ZNF366: variants seen among roughly 807,000 people sequenced by gnomAD.
ZNF366 encodes dendritic cell-specific transcript protein.
In ZNF366, 20 loss-of-function variants were observed where a neutral mutation model predicts 47.2. The ratio of observed to expected loss-of-function variants is 0.42; its 90% CI spans 0.30 to 0.62. ZNF366 has a LOEUF of 0.62. ZNF366 is among the 20% of genes least tolerant of loss of function. The pLI is 0.16. For missense variants in ZNF366, 987 were observed against 976.3 expected (o/e 1.01, Z -0.15); for synonymous variants, 421 against 395.1 (o/e 1.07, Z -0.78).
intron 1 of ZNF366, among the ~76,000 whole-genome samples, chr5:72,498,985 G>A (rs189233814): frequency 6.6e-6 from 1 of 152,338 alleles, no homozygotes; most frequent in East Asian, 1.9e-4. Context: ...GGAGACTCAA[G>A]GGGGAAAAGA....
chr5:72,500,417 G>T (rs1178940618), intron 1 of ZNF366, among the ~76,000 whole-genome samples: 1 of 152,116 alleles, frequency 6.6e-6, no homozygotes, highest in South Asian at 2.1e-4. Context: ...CTTCAGCTTT[G>T]TTAGATCTGG....
intron 1 of ZNF366, among the ~76,000 whole-genome samples, chr5:72,462,742 G>T (rs1465617100): frequency 6.6e-6 from 1 of 151,792 alleles, no homozygotes; most frequent in Non-Finnish European, 1.5e-5. Context: ...GTAGAGACGG[G>T]GTTTCACCAT....
intron 1 of ZNF366, among the ~76,000 whole-genome samples, chr5:72,493,282 C>T (rs536219236): frequency 5.3e-5 from 8 of 152,318 alleles, no homozygotes; most frequent in Admixed American, 2.0e-4. Context: ...ACATCATAGG[C>T]ATTAACTCAT....
intron 1 of ZNF366, among the ~76,000 whole-genome samples, chr5:72,474,350 A>G (rs1743628681): frequency 6.6e-6 from 1 of 152,118 alleles, no homozygotes. Context: ...TCTCCACTGC[A>G]CACAAAGGAG....
chr5:72,497,210 G>T (rs115845352), intron 1 of ZNF366, among the ~76,000 whole-genome samples: 2,086 of 152,124 alleles, frequency 0.014, 40 homozygotes, highest in African/African-American at 0.048. Context: ...AGAAATCTTT[G>T]CCTAAGCCAA....
At chr5:72,493,157 C>G (rs1258963923) in intron 1 of ZNF366, among the ~76,000 whole-genome samples, 3 of 152,192 alleles carry the variant, frequency 2.0e-5, no homozygotes, top group Non-Finnish European at 2.9e-5. Context: ...CATTTACTCA[C>G]TAATGCATTC....
chr5:72,484,152 A>G (rs1743841048), intron 1 of ZNF366, among the ~76,000 whole-genome samples: 1 of 152,174 alleles, frequency 6.6e-6, no homozygotes, highest in Admixed American at 6.5e-5. Flanking sequence ...ATTTTTCTTA[A>G]AACTTAGCCA....
rs747383404 is a variant in ZNF366, at chr5:72,460,401, T to C, written c.1096A>G (p.Ile366Val). Reference sequence around the variant, plus strand: ...AAGTCGAGGCCGCACTCCACACAGATGTTCTCGCGCCCACTGGCGTGCTTG... The same window carrying C: ...AAGTCGAGGCCGCACTCCACACAGACGTTCTCGCGCCCACTGGCGTGCTTG... ...EAKHASGRENICVECGLDFPT... is the reference protein window; with the variant it reads ...EAKHASGRENVCVECGLDFPT... Residue 366 changes from isoleucine (I) to valine (V), a missense_variant, in exon 2 of 5, where the codon ATC (isoleucine) becomes GTC (valine). This residue lies in a region of ZNF366 where 591 missense variants were observed against 560.9 expected (regional missense o/e 1.05). Transcript: ENST00000318442. 6.2e-7 allele frequency: 1 copy of C among 1,614,236 alleles called. No homozygotes were observed. The highest frequency in any genetic ancestry group is 1.1e-5 in the South Asian group (1 of 91,086).
intron 1 of ZNF366, among the ~76,000 whole-genome samples, chr5:72,473,985 A>G (rs986258500): frequency 6.6e-6 from 1 of 152,180 alleles, no homozygotes; most frequent in African/African-American, 2.4e-5. Context: ...ATGTGAATTT[A>G]GGTTGTATCT....
At chr5:72,450,684 G>A (rs1043067383) in intron 3 of ZNF366, among the ~76,000 whole-genome samples, 1 of 152,108 alleles carries the variant, frequency 6.6e-6, no homozygotes, top group Non-Finnish European at 1.5e-5. Flanking sequence ...ACACCTGGGC[G>A]GTAGGTACTT....
chr5:72,495,676 G>A (rs897848777), intron 1 of ZNF366, among the ~76,000 whole-genome samples: 2 of 152,166 alleles, frequency 1.3e-5, no homozygotes, highest in Non-Finnish European at 2.9e-5. Flanking sequence ...GTCGGCAGGC[G>A]AGAGATGCTC....
At chr5:72,452,095 A>C (rs1580232675) in intron 3 of ZNF366, among the ~76,000 whole-genome samples, 1 of 152,350 alleles carries the variant, frequency 6.6e-6, no homozygotes, top group East Asian at 1.9e-4. Flanking sequence ...AGCTTTAAAA[A>C]TGAGATGCAC....
chr5:72,504,981 C>G (rs1744292689), intron 1 of ZNF366, among the ~76,000 whole-genome samples: 1 of 152,214 alleles, frequency 6.6e-6, no homozygotes, highest in African/African-American at 2.4e-5. Context: ...ACAACAGAGA[C>G]TGTGCTCTAC....
intron 1 of ZNF366, among the ~76,000 whole-genome samples, chr5:72,477,714 A>C (rs1452109453): frequency 6.6e-6 from 1 of 152,232 alleles, no homozygotes; most frequent in African/African-American, 2.4e-5. Context: ...ATCTACGGTC[A>C]CATAACCTGG....
At chr5:72,447,149 G>T in intron 4 of ZNF366, 94 bp downstream of exon 4, 1 of 1,428,978 alleles carries the variant, frequency 7.0e-7, no homozygotes. Flanking sequence ...GTCTTGACAA[G>T]AATAACCCTC....
intron 1 of ZNF366, among the ~76,000 whole-genome samples, chr5:72,462,547 C>CTT (rs71614477): frequency 1.6e-4 from 13 of 78,928 alleles, no homozygotes; most frequent in African/African-American, 6.0e-4. Flanking sequence ...TTCTTTCTTT[C>CTT]TTTTTTTTTT....
intron 1 of ZNF366, among the ~76,000 whole-genome samples, chr5:72,468,787 T>C (rs1161022057): frequency 1.3e-5 from 2 of 152,182 alleles, no homozygotes; most frequent in Non-Finnish European, 2.9e-5. Context: ...TGCTAGTGTG[T>C]TGGGGTTATC....
intron 1 of ZNF366, among the ~76,000 whole-genome samples, chr5:72,476,869 G>T (rs931794152): frequency 1.3e-5 from 2 of 152,108 alleles, no homozygotes; most frequent in Admixed American, 6.5e-5. Flanking sequence ...GCTTAACAAT[G>T]AGGAAGAGGG....
At position 72,460,380 on chromosome 5, in the gene ZNF366, C is replaced by A; in HGVS notation, c.1117G>T (p.Asp373Tyr). ...RENICVECGL[D>Y]FPTLAQLKRH... ...TTCAGCTGGGCCAAGGTGGGGAAGT[C>A]GAGGCCGCACTCCACACAGATGTTC... is the stretch of plus-strand genomic sequence containing the variant. The change falls in exon 2 of 5, where the codon GAC becomes TAC. Residue 373 changes from aspartate to tyrosine, a missense_variant. Physicochemically the swap from Asp to Tyr is radical, Grantham distance 160. Around this residue, in one of 3 missense-constraint regions of ZNF366, gnomAD observed 591 missense variants for 560.9 expected, o/e 1.05. Transcript: ENST00000318442. 14 of 1,614,210 alleles carry A rather than the reference C, an allele frequency of 8.7e-6. No homozygotes were observed. The highest frequency in any genetic ancestry group is 1.2e-5 in the Non-Finnish European group (14 of 1,180,028).
Sources: gnomAD v4.1 joint callset for allele counts (sites outside exome capture counted in the v4.1 genomes callset) on GRCh38, gnomAD v4.1.1 for gene constraint, gnomAD v4.1.1 regional missense constraint, MANE v1.5 for transcripts, NCBI Gene and HGNC (gene_info 2026-07-23, HGNC 2026-07-21) for gene names.